CNTNAP2: variants seen among roughly 807,000 people sequenced by gnomAD.
CNTNAP2 encodes the protein contactin-associated protein-like 2.
In CNTNAP2, 98 loss-of-function variants were observed where a neutral mutation model predicts 155.2. That is an observed-to-expected ratio of 0.63 (90% CI 0.54 to 0.75). CNTNAP2 has a LOEUF of 0.75. CNTNAP2 is among the 30% of genes least tolerant of loss of function. The pLI is 0.00. For synonymous variants in CNTNAP2, 651 were observed against 631.2 expected, an observed-to-expected ratio of 1.03 and a Z score of -0.47; for missense variants, 1,727 against 1,688.1, an observed-to-expected ratio of 1.02 and a Z score of -0.40.
chr7:147,002,034 C>A, intron 3 of CNTNAP2, among the ~76,000 whole-genome samples: 1 of 151,376 alleles, frequency 6.6e-6, no homozygotes, highest in Non-Finnish European at 1.5e-5. Flanking sequence ...GGAAATCATC[C>A]ATTAAGTAAA....
At chr7:146,740,875 A>C (rs936051636) in intron 1 of CNTNAP2, among the ~76,000 whole-genome samples, 6 of 152,214 alleles carry the variant, frequency 3.9e-5, no homozygotes, top group African/African-American at 1.2e-4. Context: ...GCAGTTGTGT[A>C]GGCCAGAGAT....
intron 15 of CNTNAP2, among the ~76,000 whole-genome samples, chr7:148,059,217 C>T (rs1422046320): frequency 6.6e-6 from 1 of 151,962 alleles, no homozygotes; most frequent in Admixed American, 6.6e-5. Flanking sequence ...GAACCCAAGA[C>T]GTGGAGGTTG....
intron 1 of CNTNAP2, among the ~76,000 whole-genome samples, chr7:146,481,333 A>T (rs1001951258): frequency 6.6e-6 from 1 of 152,228 alleles, no homozygotes; most frequent in African/African-American, 2.4e-5. Context: ...TATATTTTCC[A>T]AGGCAATGTA....
chr7:147,852,298 A>G (rs1401926682), intron 13 of CNTNAP2, among the ~76,000 whole-genome samples: 1 of 152,154 alleles, frequency 6.6e-6, no homozygotes, highest in Non-Finnish European at 1.5e-5. Flanking sequence ...CACTCTTCCT[A>G]TTTTGCAAAC....
intron 13 of CNTNAP2, among the ~76,000 whole-genome samples, chr7:147,754,150 A>T (rs1797180783): frequency 1.3e-5 from 2 of 152,228 alleles, no homozygotes; most frequent in Admixed American, 1.3e-4. Context: ...CAAATTGAAA[A>T]TCAAAAAGAA....
intron 5 of CNTNAP2, among the ~76,000 whole-genome samples, chr7:147,109,320 G>T (rs1233898337): frequency 1.3e-5 from 2 of 152,094 alleles, no homozygotes; most frequent in Non-Finnish European, 2.9e-5. Context: ...AGCCTAAGAA[G>T]AAAAGAGTAG....
chr7:147,840,487 C>A (rs993078667), intron 13 of CNTNAP2, among the ~76,000 whole-genome samples: 1 of 151,976 alleles, frequency 6.6e-6, no homozygotes, highest in Non-Finnish European at 1.5e-5. Context: ...TAGGAGAGTG[C>A]CCGGGAGGGA....
chr7:148,276,364 C>T (rs766336092), intron 21 of CNTNAP2, among the ~76,000 whole-genome samples: 17 of 152,156 alleles, frequency 1.1e-4, no homozygotes, highest in Non-Finnish European at 1.3e-4. Flanking sequence ...GAACATAATC[C>T]CACCAGGACA....
chr7:146,192,703 C>A (rs1798724465), intron 1 of CNTNAP2, among the ~76,000 whole-genome samples: 1 of 152,138 alleles, frequency 6.6e-6, no homozygotes, highest in Non-Finnish European at 1.5e-5. Context: ...AAAACCATAT[C>A]ATTCTGCCCT....
intron 1 of CNTNAP2, among the ~76,000 whole-genome samples, chr7:146,741,984 T>A (rs1467951529): frequency 6.6e-6 from 1 of 152,068 alleles, no homozygotes; most frequent in Non-Finnish European, 1.5e-5. Flanking sequence ...GTGCTGTTTT[T>A]CAAGCCATAT....
At chr7:147,232,718 C>T (rs1022910034) in intron 8 of CNTNAP2, among the ~76,000 whole-genome samples, 3 of 152,070 alleles carry the variant, frequency 2.0e-5, no homozygotes, top group Non-Finnish European at 2.9e-5. Flanking sequence ...ATATCTGAAA[C>T]CATAATATTC....
rs1798946945 is a variant in CNTNAP2 at position 146,601,372 on chromosome 7, C to G, written c.98-172899C>G. 2.6e-5 allele frequency among the ~76,000 whole-genome samples: 4 copies of G among 152,148 alleles called. No homozygotes were observed. In the South Asian group the frequency reaches 8.3e-4, roughly 32 times the overall value. On this transcript the variant is annotated intron_variant, in intron 1 of 23. Coordinates refer to ENST00000361727, the MANE Select transcript of CNTNAP2 (RefSeq NM_014141.6). ...ATTGCTGTGCCTACAGTGAAAATGG[C>G]TATTTTGTCACCTAAACAGTCAGGG...
chr7:146,316,673 C>A (rs754830781), intron 1 of CNTNAP2, among the ~76,000 whole-genome samples: 3 of 152,084 alleles, frequency 2.0e-5, no homozygotes, highest in Non-Finnish European at 2.9e-5. Flanking sequence ...CCATAAGATA[C>A]GTTTACGCAA....
intron 10 of CNTNAP2, among the ~76,000 whole-genome samples, chr7:147,451,796 T>G (rs777832393): frequency 6.6e-6 from 1 of 152,156 alleles, no homozygotes; most frequent in Admixed American, 6.5e-5. Context: ...CATTGAAATT[T>G]AATTGCCATT....
chr7:147,297,641 G>A (rs994317055), intron 8 of CNTNAP2, among the ~76,000 whole-genome samples: 2 of 152,110 alleles, frequency 1.3e-5, no homozygotes, highest in African/African-American at 4.8e-5. Context: ...TTCACCAAAA[G>A]GACTTTAGTC....
intron 14 of CNTNAP2, among the ~76,000 whole-genome samples, chr7:147,925,150 AGAGAGAAGGAAGGAAGGAAG>A (rs1225070465): frequency 9.1e-5 from 7 of 76,504 alleles, no homozygotes; most frequent in South Asian, 5.8e-4. Flanking sequence ...AGAGAGAGAG[AGAGAGAAGGAAGGAAGGAAG>A]GAAGGAAGGA....
chr7:147,276,830 C>CA (rs71182189), intron 8 of CNTNAP2, among the ~76,000 whole-genome samples: 9,343 of 145,074 alleles, frequency 0.064, 376 homozygotes, highest in African/African-American at 0.12. Flanking sequence ...GTTCAATTGA[C>CA]AAAAAAAAAA....
At chr7:147,243,680 A>G (rs1341043315) in intron 8 of CNTNAP2, among the ~76,000 whole-genome samples, 1 of 152,206 alleles carries the variant, frequency 6.6e-6, no homozygotes, top group Non-Finnish European at 1.5e-5. Context: ...GGATAAAAAT[A>G]TTCATGTTAG....
In CNTNAP2 at chr7:147,291,345, G is replaced by A. The variant is rs564485879; in HGVS notation, c.1349-8796G>A. On this transcript the variant is annotated intron_variant, in intron 8 of 23. Coordinates refer to ENST00000361727, the MANE Select transcript of CNTNAP2 (RefSeq NM_014141.6). ...TTCCCCTCACTCCACAACAGGCCCCGGTGTGTGATGTTCCCCTCCCTGTAT... is the reference window on the plus strand; with the variant it reads ...TTCCCCTCACTCCACAACAGGCCCCAGTGTGTGATGTTCCCCTCCCTGTAT... 5.3e-5 allele frequency among the ~76,000 whole-genome samples: 8 copies of A among 151,816 alleles called. No homozygotes were observed. The South Asian group carries it at 6.2e-4, about 12-fold the overall frequency.
Sources: gnomAD v4.1 joint callset for allele counts (sites outside exome capture counted in the v4.1 genomes callset) on GRCh38, gnomAD v4.1.1 for gene constraint, MANE v1.5 for transcripts, NCBI Gene and HGNC (gene_info 2026-07-23, HGNC 2026-07-21) for gene names.